ITPR1: variants seen among roughly 807,000 people sequenced by gnomAD.
The protein encoded by ITPR1 is inositol 1,4,5-trisphosphate-gated calcium channel ITPR1.
ITPR1 carries 96 observed loss-of-function variants against 318.4 expected under a neutral mutation model. The ratio of observed to expected loss-of-function variants is 0.30; its 90% CI spans 0.26 to 0.36. ITPR1 has a LOEUF of 0.36. Among genes scored for constraint, ITPR1 ranks in the 10% least tolerant of loss-of-function variants. The pLI, the probability that ITPR1 is intolerant of heterozygous loss-of-function variation, is 1.00. For missense variants in ITPR1, 2,440 were observed against 3,460.2 expected (o/e 0.71, Z 7.40); for synonymous variants, 1,312 against 1,289.9 (o/e 1.02, Z -0.37).
At chr3:4,506,085 A>G (rs1164577803) in intron 2 of ITPR1, among the ~76,000 whole-genome samples, 2 of 152,206 alleles carry the variant, frequency 1.3e-5, no homozygotes, top group Admixed American at 1.3e-4. Context: ...TTAATTGTCA[A>G]CATAACTATG....
chr3:4,842,916 G>A (rs2051457859), intron 61 of ITPR1, among the ~76,000 whole-genome samples: 1 of 152,154 alleles, frequency 6.6e-6, no homozygotes, highest in African/African-American at 2.4e-5. Context: ...ACGTGTGAAT[G>A]TATGTAGGTG....
intron 4 of ITPR1, among the ~76,000 whole-genome samples, chr3:4,541,708 C>T (rs2084467366): frequency 1.3e-5 from 2 of 152,036 alleles, no homozygotes; most frequent in African/African-American, 4.8e-5. Context: ...TCACTGCAAC[C>T]TCCGCCTCCC....
intron 5 of ITPR1, among the ~76,000 whole-genome samples, chr3:4,634,809 G>C (rs1393656358): frequency 1.3e-5 from 2 of 152,170 alleles, no homozygotes; most frequent in Non-Finnish European, 2.9e-5. Context: ...TGCGATCTTG[G>C]CTCACTGCAA....
At chr3:4,612,497 CTTG>C (rs1204221641) in intron 4 of ITPR1, among the ~76,000 whole-genome samples, 2 of 152,170 alleles carry the variant, frequency 1.3e-5, no homozygotes, top group Non-Finnish European at 2.9e-5. Flanking sequence ...CATGGCTAAT[CTTG>C]TTTTTTTCTA....
intron 4 of ITPR1, among the ~76,000 whole-genome samples, chr3:4,611,834 A>G (rs1388080652): frequency 6.6e-6 from 1 of 152,168 alleles, no homozygotes; most frequent in African/African-American, 2.4e-5. Context: ...AATTTCATAG[A>G]TGATTTTTAA....
In ITPR1 at chr3:4,811,259, T is replaced by C. The variant is rs752544550; in HGVS notation, c.7273-6T>C. On this transcript the variant is annotated splice_polypyrimidine_tract_variant and splice_region_variant and intron_variant, in intron 55 of 61. Transcript: ENST00000649015. ...TTCTTAAAATTCTTTTTGTTTGTTT[T>C]CAAAGCTTTTTGATTTAGTGTACAG... is the stretch of plus-strand genomic sequence containing the variant. 3 of 1,544,472 alleles carry C rather than the reference T, an allele frequency of 1.9e-6. No individual in the cohort carries two copies. Among genetic ancestry groups the C allele is most frequent in the Non-Finnish European group, 2.6e-6 (3 of 1,146,974 alleles).
chr3:4,609,153 A>G, intron 4 of ITPR1, among the ~76,000 whole-genome samples: 1 of 135,314 alleles, frequency 7.4e-6, no homozygotes, highest in Non-Finnish European at 1.6e-5. Context: ...ACCATTTTGG[A>G]GGGGTGGGGT....
At chr3:4,586,208 A>G (rs1425493903) in intron 4 of ITPR1, among the ~76,000 whole-genome samples, 1 of 152,188 alleles carries the variant, frequency 6.6e-6, no homozygotes, top group East Asian at 1.9e-4. Context: ...TGCTATTGTG[A>G]ATAGTGCCGC....
At chr3:4,544,837 A>G (rs1043776543) in intron 4 of ITPR1, among the ~76,000 whole-genome samples, 2 of 152,344 alleles carry the variant, frequency 1.3e-5, no homozygotes, top group African/African-American at 4.8e-5. Context: ...TCTGTTGCCC[A>G]GACTGGAGTG....
At chr3:4,588,079 A>T (rs981446661) in intron 4 of ITPR1, among the ~76,000 whole-genome samples, 7 of 152,188 alleles carry the variant, frequency 4.6e-5, no homozygotes, top group Non-Finnish European at 1.0e-4. Flanking sequence ...ATTTGGTTCA[A>T]TCTGACACTT....
At chr3:4,727,860 G>A (rs924230585) in intron 42 of ITPR1, among the ~76,000 whole-genome samples, 3 of 152,198 alleles carry the variant, frequency 2.0e-5, no homozygotes, top group Non-Finnish European at 4.4e-5. Flanking sequence ...ACAGGTGTGT[G>A]CCACCATGCC....
intron 17 of ITPR1, 41 bp from the exon 18 acceptor site, chr3:4,667,336 T>C (rs1305582214): frequency 2.7e-6 from 4 of 1,495,932 alleles, no homozygotes; most frequent in Middle Eastern, 1.8e-4. Context: ...CATATTGTCA[T>C]TTATCCTTCC....
At chr3:4,768,429 G>A in intron 45 of ITPR1, 82 bp from the exon 46 acceptor site, 1 of 1,447,036 alleles carries the variant, frequency 6.9e-7, no homozygotes, top group Non-Finnish European at 9.3e-7. Context: ...AAGGAATGTA[G>A]GTTTCTGAGT....
chr3:4,497,284 G>T (rs142274194), intron 2 of ITPR1, among the ~76,000 whole-genome samples: 1 of 152,144 alleles, frequency 6.6e-6, no homozygotes, highest in African/African-American at 2.4e-5. Flanking sequence ...GTAGTTTAAG[G>T]CACATGGTGT....
chr3:4,646,042 A>C, intron 10 of ITPR1: 1 of 267,440 alleles, frequency 3.7e-6, no homozygotes, highest in Middle Eastern at 1.2e-3. Context: ...CAAATTCAAA[A>C]ACGAAATTAG....
chr3:4,780,200 A>G (rs113421089), intron 49 of ITPR1, among the ~76,000 whole-genome samples: 5,304 of 152,250 alleles, frequency 0.035, 133 homozygotes, highest in South Asian at 0.065. Context: ...CCCTAGCACC[A>G]TGCTCAGCAC....
chr3:4,699,963 G>T, intron 35 of ITPR1, 22 bp downstream of exon 35: 1 of 1,608,992 alleles, frequency 6.2e-7, no homozygotes, highest in South Asian at 1.1e-5. Flanking sequence ...CCAACGTCAA[G>T]CAGAATGTTC....
intron 42 of ITPR1, 76 bp downstream of exon 42, chr3:4,727,249 A>G: frequency 9.8e-7 from 1 of 1,018,284 alleles, no homozygotes; most frequent in Non-Finnish European, 1.4e-6. Flanking sequence ...ACACACTGTG[A>G]TTGAGAGACA....
At chr3:4,609,089 T>TATATATATATATATATATATACACAC (rs1171860541) in intron 4 of ITPR1, among the ~76,000 whole-genome samples, 1 of 91,950 alleles carries the variant, frequency 1.1e-5, no homozygotes, top group African/African-American at 3.8e-5. Flanking sequence ...TATATATATA[T>TATATATATATATATATATATACACAC]ACACACACAC....
Sources: gnomAD v4.1 joint callset for allele counts (sites outside exome capture counted in the v4.1 genomes callset) on GRCh38, gnomAD v4.1.1 for gene constraint, MANE v1.5 for transcripts, NCBI Gene and HGNC (gene_info 2026-07-23, HGNC 2026-07-21) for gene names.